The following TMEM131L variants were observed in gnomAD, a reference collection of about 807,000 sequenced individuals.
The protein encoded by TMEM131L is transmembrane protein 131-like.
Under a neutral mutation model 192.2 loss-of-function variants are expected in TMEM131L, and 54 were observed. The observed-to-expected ratio is 0.28, with a 90% CI of 0.23 to 0.35. TMEM131L has a LOEUF of 0.35. Among genes scored for constraint, TMEM131L ranks in the 10% least tolerant of loss-of-function variants. The pLI, the probability that TMEM131L is intolerant of heterozygous loss-of-function variation, is 1.00. For missense variants in TMEM131L, 1,888 were observed against 1,972.9 expected (o/e 0.96, Z 0.82); for synonymous variants, 701 against 704.9 (o/e 0.99, Z 0.09).
Position 153,620,838 on chromosome 4 carries a change from C to T in TMEM131L, c.3650C>T (p.Thr1217Ile), listed in dbSNP as rs1733343476. Residue 1217 changes from threonine to isoleucine, a missense_variant, in exon 27 of 35, where the codon ACA (threonine) becomes ATA (isoleucine). Transcript: ENST00000409959. ...LQNLNWSKSR[T>I]CRKNKKRGVA... ...AATTTAAATTGGAGTAAAAGTCGAA[C>T]ATGTAGAAAGAACAAGAAAAGGGGT... is the stretch of plus-strand genomic sequence containing the variant. The T allele has an allele frequency of 6.3e-7, 1 of 1,599,688 alleles. No homozygotes were observed. Among genetic ancestry groups the T allele is most frequent in the Non-Finnish European group, 8.5e-7 (1 of 1,174,458 alleles).
chr4:153,474,557 G>T (rs1731391815), intron 3 of TMEM131L, among the ~76,000 whole-genome samples: 1 of 152,164 alleles, frequency 6.6e-6, no homozygotes, highest in South Asian at 2.1e-4. Context: ...TTTGAGTTTT[G>T]TTTTTAAGTG....
intron 3 of TMEM131L, among the ~76,000 whole-genome samples, chr4:153,519,072 C>A (rs1734932500): frequency 6.6e-6 from 1 of 152,076 alleles, no homozygotes; most frequent in South Asian, 2.1e-4. Flanking sequence ...GGGGAAAATT[C>A]CACATGTAAA....
chr4:153,478,040 A>ATTTATATGT (rs1457929697), intron 3 of TMEM131L, among the ~76,000 whole-genome samples: 1 of 152,168 alleles, frequency 6.6e-6, no homozygotes, highest in Non-Finnish European at 1.5e-5. Context: ...ATCAACCTTA[A>ATTTATATGT]TTTATATGTT....
chr4:153,581,579 A>G lies in TMEM131L; in HGVS notation c.892+19A>G. On this transcript the variant is annotated intron_variant, in intron 9 of 34. Coordinates refer to ENST00000409959, the MANE Select transcript of TMEM131L (RefSeq NM_001131007.2). The stretch of plus-strand genomic sequence containing the variant: ...ACCTCAGGTAAGGTGGAATGTTTAA[A>G]AATTTTATTATATTTTCATCAGTCT... The G allele has an allele frequency of 6.7e-7, 1 of 1,493,220 alleles. No homozygotes were observed. Among genetic ancestry groups the G allele is most frequent in the Non-Finnish European group, 9.0e-7 (1 of 1,109,406 alleles). 92.5% of individuals were successfully genotyped at this position (1,493,220 alleles called of 1,614,324 possible). A position where few individuals can be genotyped will look rare whatever the true frequency, so the allele number is the denominator to read the frequency against.
chr4:153,630,878 G>A (rs1211999291), intron 31 of TMEM131L, among the ~76,000 whole-genome samples: 1 of 152,176 alleles, frequency 6.6e-6, no homozygotes, highest in African/African-American at 2.4e-5. Flanking sequence ...CCCTTACCAA[G>A]GACCTCTATC....
At chr4:153,484,208 T>G (rs1454661935) in intron 3 of TMEM131L, among the ~76,000 whole-genome samples, 1 of 152,196 alleles carries the variant, frequency 6.6e-6, no homozygotes, top group Non-Finnish European at 1.5e-5. Context: ...AAGTAAATAG[T>G]AATTTTCCCC....
chr4:153,504,675 T>A (rs1423400868), intron 3 of TMEM131L, among the ~76,000 whole-genome samples: 1 of 152,206 alleles, frequency 6.6e-6, no homozygotes, highest in African/African-American at 2.4e-5. Flanking sequence ...AAATAATGAT[T>A]TTTTTCACTT....
intron 26 of TMEM131L, among the ~76,000 whole-genome samples, chr4:153,613,665 A>G (rs78368799): frequency 0.046 from 6,995 of 152,272 alleles, 324 homozygotes; most frequent in East Asian, 0.17. Context: ...GTTAAAAATT[A>G]TATATATTCC....
At chr4:153,565,101 G>A (rs1038502299) in intron 7 of TMEM131L, among the ~76,000 whole-genome samples, 11 of 152,302 alleles carry the variant, frequency 7.2e-5, no homozygotes, top group African/African-American at 2.2e-4. Context: ...GCCTGTGCTC[G>A]AGGTCTGCAT....
At chr4:153,606,990 G>A (rs907861211) in intron 25 of TMEM131L, among the ~76,000 whole-genome samples, 3 of 152,238 alleles carry the variant, frequency 2.0e-5, no homozygotes, top group African/African-American at 7.2e-5. Flanking sequence ...GCACTGTCCT[G>A]GGAAAATATC....
intron 7 of TMEM131L, among the ~76,000 whole-genome samples, chr4:153,574,247 G>T (rs147730256): frequency 4.1e-4 from 63 of 152,314 alleles, no homozygotes; most frequent in African/African-American, 1.4e-3. Context: ...GCAAATGTTT[G>T]CATGAGTGGG....
intron 30 of TMEM131L, among the ~76,000 whole-genome samples, chr4:153,627,119 A>G (rs1733897156): frequency 6.6e-6 from 1 of 152,204 alleles, no homozygotes; most frequent in Admixed American, 6.5e-5. Context: ...ACTAGTGCAC[A>G]GGAAAGCTCT....
chr4:153,631,220 G>A (rs1734187669), intron 31 of TMEM131L, among the ~76,000 whole-genome samples: 1 of 152,252 alleles, frequency 6.6e-6, no homozygotes, highest in South Asian at 2.1e-4. Flanking sequence ...CAGTGAGCCA[G>A]GCCCAGGCAT....
intron 7 of TMEM131L, among the ~76,000 whole-genome samples, chr4:153,575,552 A>C (rs943864874): frequency 6.6e-6 from 1 of 152,100 alleles, no homozygotes; most frequent in Admixed American, 6.6e-5. Context: ...CCTAGCCCCA[A>C]GATCTTTGAT....
intron 3 of TMEM131L, among the ~76,000 whole-genome samples, chr4:153,509,114 G>T (rs561694210): frequency 6.6e-6 from 1 of 152,036 alleles, no homozygotes; most frequent in Non-Finnish European, 1.5e-5. Context: ...GGAGATTGAG[G>T]CAGGGGGATC....
chr4:153,599,285 C>CG (rs1731662186), intron 21 of TMEM131L, among the ~76,000 whole-genome samples: 1 of 152,138 alleles, frequency 6.6e-6, no homozygotes. Flanking sequence ...TTGCGGGAGT[C>CG]GGGGGAGGGT....
intron 7 of TMEM131L, among the ~76,000 whole-genome samples, chr4:153,578,900 C>T (rs1469818168): frequency 6.6e-6 from 1 of 152,044 alleles, no homozygotes; most frequent in Non-Finnish European, 1.5e-5. Flanking sequence ...TCAGATGATC[C>T]ACCCACCTCG....
At chr4:153,563,955 C>G (rs1028972707) in intron 7 of TMEM131L, among the ~76,000 whole-genome samples, 3 of 151,984 alleles carry the variant, frequency 2.0e-5, no homozygotes, top group Non-Finnish European at 4.4e-5. Context: ...GTGACCAGGT[C>G]ATGAGGAGGG....
At chr4:153,616,410 G>A (rs1732979320) in intron 26 of TMEM131L, among the ~76,000 whole-genome samples, 1 of 152,168 alleles carries the variant, frequency 6.6e-6, no homozygotes, top group Admixed American at 6.5e-5. Context: ...GCAGTGCCCA[G>A]TGTTTGTTTT....
Sources: gnomAD v4.1 joint callset for allele counts (sites outside exome capture counted in the v4.1 genomes callset) on GRCh38, gnomAD v4.1.1 for gene constraint, MANE v1.5 for transcripts, NCBI Gene and HGNC (gene_info 2026-07-23, HGNC 2026-07-21) for gene names.